Variants in TCF4 observed in about 807,000 individuals in gnomAD.
TCF4 encodes the protein SL3-3 enhancer factor 2.
TCF4 carries 3 observed loss-of-function variants against 82.1 expected under a neutral mutation model. That is an observed-to-expected ratio of 0.04 (90% confidence interval 0.02 to 0.09). The LOEUF (loss-of-function observed/expected upper bound fraction) is 0.09, where lower values mean the gene tolerates loss of function less well. TCF4 is among the 10% of genes least tolerant of loss of function. The pLI is 1.00. For synonymous variants in TCF4, 276 were observed against 309.6 expected, an observed-to-expected ratio of 0.89 and a Z score of 1.14; for missense variants, 518 against 852.7, an observed-to-expected ratio of 0.61 and a Z score of 4.89.
At chr18:55,608,024 C>T (rs997508843) in intron 2 of TCF4, among the ~76,000 whole-genome samples, 11 of 152,202 alleles carry the variant, frequency 7.2e-5, no homozygotes, top group African/African-American at 2.7e-4. Context: ...CTGTCTCCTT[C>T]ACTGTTGATC....
At chr18:55,304,715 G>A (rs930060140) in intron 8 of TCF4, among the ~76,000 whole-genome samples, 11 of 152,072 alleles carry the variant, frequency 7.2e-5, no homozygotes, top group Admixed American at 6.5e-4. Flanking sequence ...ATTCATGCAA[G>A]CACCTCACCC....
At chr18:55,431,313 CTTG>C (rs915925346) in intron 5 of TCF4, among the ~76,000 whole-genome samples, 5 of 152,032 alleles carry the variant, frequency 3.3e-5, no homozygotes, top group Non-Finnish European at 7.4e-5. Context: ...GAGTTTTGCT[CTTG>C]TTGTCCAGGC....
At position 55,515,761 on chromosome 18, in the gene TCF4, T is replaced by C. The variant is rs2096875172; in HGVS notation, c.146-51624A>G. 2.0e-5 allele frequency among the ~76,000 whole-genome samples: 3 copies of C among 152,020 alleles called. No homozygotes were observed. The South Asian group carries it at 6.2e-4, about 31-fold the overall frequency. Reference sequence around the variant, plus strand: ...GAATGTCGTGTGAGAAAACTTGGCTTGAAAAGGACAGAACAAAATGAAGAG... The same window carrying C: ...GAATGTCGTGTGAGAAAACTTGGCTCGAAAAGGACAGAACAAAATGAAGAG... On this transcript the variant is annotated intron_variant, in intron 3 of 19. Coordinates refer to ENST00000354452, the MANE Select transcript of TCF4 (RefSeq NM_001083962.2).
intron 2 of TCF4, chr18:55,586,150 GAGGAGCAGC>G (rs1156253191): frequency 1.5e-5 from 18 of 1,222,876 alleles, no homozygotes; most frequent in African/African-American, 3.2e-5. Context: ...GGAGGAGGAG[GAGGAGCAGC>G]AGCAGCAGCA....
rs536218880 is a variant in TCF4, at chr18:55,261,585, A to G, written c.923-52T>C. On this transcript the variant is annotated intron_variant, in intron 11 of 19. Coordinates refer to ENST00000354452, the MANE Select transcript of TCF4 (RefSeq NM_001083962.2). ...AAACCAGGCAGTGAGACGTCTAACA[A>G]TTTTCTATTCCTGGTCCATTTACTC... 5.3e-5 allele frequency: 84 copies of G among 1,593,398 alleles called. 1 individual carries two copies. The Admixed American group carries it at 1.2e-3, about 22-fold the overall frequency.
rs2059656629 is a variant in TCF4 at position 55,268,455 on chromosome 18, CTCTG to C, written c.922+1372_922+1375del. ...TAGCTAACAAACTTCCCCATGTGAC[CTCTG>C]TCTGTAGCTCTCCAAGGTCAAACTG... On this transcript the variant is annotated intron_variant, in intron 11 of 19. Coordinates refer to ENST00000354452, the MANE Select transcript of TCF4 (RefSeq NM_001083962.2). 2.0e-5 allele frequency: 3 copies of C among 152,046 alleles called. No individual in the cohort carries two copies. In the South Asian group the frequency reaches 6.2e-4, roughly 31 times the overall value. 9.4% of individuals were successfully genotyped at this position (152,046 alleles called of 1,614,324 possible).
At chr18:55,271,401 T>C (rs946517436) in intron 10 of TCF4, among the ~76,000 whole-genome samples, 2 of 152,120 alleles carry the variant, frequency 1.3e-5, no homozygotes, top group African/African-American at 4.8e-5. Flanking sequence ...CAATGAACAA[T>C]TGGTTATCAG....
chr18:55,398,907 G>T (rs1483151171), intron 6 of TCF4, among the ~76,000 whole-genome samples: 2 of 152,212 alleles, frequency 1.3e-5, no homozygotes, highest in East Asian at 1.9e-4. Flanking sequence ...ATGAAGACAG[G>T]TGCTAAGGCC....
At chr18:55,604,952 ATTC>A (rs2147953434) in intron 2 of TCF4, among the ~76,000 whole-genome samples, 1 of 152,294 alleles carries the variant, frequency 6.6e-6, no homozygotes, top group East Asian at 1.9e-4. Context: ...AACAATTGAA[ATTC>A]CAGCCCTTTT....
intron 3 of TCF4, among the ~76,000 whole-genome samples, chr18:55,529,173 G>A (rs553023147): frequency 1.2e-4 from 18 of 152,190 alleles, no homozygotes; most frequent in African/African-American, 2.6e-4. Flanking sequence ...AGCCAGACTC[G>A]TCTCAAAAAA....
intron 2 of TCF4, among the ~76,000 whole-genome samples, chr18:55,603,881 C>T (rs539671885): frequency 2.6e-5 from 4 of 152,242 alleles, no homozygotes; most frequent in East Asian, 1.9e-4. Context: ...ACAATTTCTC[C>T]GAGCTCTGGG....
chr18:55,281,130 T>C (rs2062523227), intron 8 of TCF4, among the ~76,000 whole-genome samples: 1 of 152,160 alleles, frequency 6.6e-6, no homozygotes, highest in African/African-American at 2.4e-5. Context: ...ATTTTAAATG[T>C]ATAAACAGTG....
At chr18:55,494,547 T>A (rs138485085) in intron 3 of TCF4, among the ~76,000 whole-genome samples, 188 of 152,192 alleles carry the variant, frequency 1.2e-3, no homozygotes, top group African/African-American at 3.2e-3. Flanking sequence ...TCAGTCCCCA[T>A]TGATTTATAG....
At chr18:55,446,452 G>A (rs1252805150) in intron 5 of TCF4, among the ~76,000 whole-genome samples, 3 of 152,152 alleles carry the variant, frequency 2.0e-5, no homozygotes, top group Admixed American at 1.3e-4. Context: ...CTACAAAGGA[G>A]GCAATGCAGT....
chr18:55,299,162 G>T (rs998768589), intron 8 of TCF4, among the ~76,000 whole-genome samples: 12 of 152,162 alleles, frequency 7.9e-5, no homozygotes, highest in Admixed American at 3.9e-4. Context: ...TATAATCCCA[G>T]CACTTTGGGA....
intron 5 of TCF4, among the ~76,000 whole-genome samples, chr18:55,428,196 C>A (rs1284536775): frequency 6.6e-6 from 1 of 152,086 alleles, no homozygotes; most frequent in East Asian, 1.9e-4. Context: ...AAAAAAGACA[C>A]ACCCATCCCC....
chr18:55,475,394 C>T (rs1440321839), intron 3 of TCF4, among the ~76,000 whole-genome samples: 2 of 152,064 alleles, frequency 1.3e-5, no homozygotes, highest in East Asian at 1.9e-4. Flanking sequence ...TTCCAGAGCC[C>T]CTTGATGGCA....
chr18:55,485,235 C>T (rs1465477809), intron 3 of TCF4, among the ~76,000 whole-genome samples: 5 of 152,116 alleles, frequency 3.3e-5, no homozygotes, highest in South Asian at 4.1e-4. Context: ...GAATAGGTAA[C>T]GTAATGTAAG....
chr18:55,462,930 T>C (rs537902820), intron 4 of TCF4, among the ~76,000 whole-genome samples: 1 of 152,292 alleles, frequency 6.6e-6, no homozygotes, highest in African/African-American at 2.4e-5. Flanking sequence ...AGGATCACAA[T>C]GCCAAGGACA....
Sources: allele counts gnomAD v4.1 joint callset (sites outside exome capture counted in the v4.1 genomes callset), GRCh38; gene constraint gnomAD v4.1.1; transcripts MANE v1.5; gene names NCBI Gene and HGNC (gene_info 2026-07-23, HGNC 2026-07-21).